PAPLN: variants seen among roughly 807,000 people sequenced by gnomAD.
PAPLN encodes the protein papilin, proteoglycan like sulfated glycoprotein.
PAPLN carries 146 observed loss-of-function variants against 159.0 expected under a neutral mutation model. The observed-to-expected ratio is 0.92, with a 90% CI of 0.80 to 1.05. The LOEUF (loss-of-function observed/expected upper bound fraction) is 1.05. PAPLN is among the 50% of genes least tolerant of loss of function. The pLI is 0.00. For synonymous variants in PAPLN, 734 were observed against 702.9 expected, an observed-to-expected ratio of 1.04 and a Z score of -0.70; for missense variants, 1,720 against 1,743.9, an observed-to-expected ratio of 0.99 and a Z score of 0.24.
At chr14:73,263,321 G>A in intron 19 of PAPLN, 1 of 469,430 alleles carries the variant, frequency 2.1e-6, no homozygotes, top group Non-Finnish European at 3.8e-6. Context: ...CACATGGGTC[G>A]AGCGTGTAGT....
chr14:73,261,176 C>T lies in PAPLN; in HGVS notation c.2127C>T (p.Pro709=). 1 of 1,614,144 alleles carries T rather than the reference C, an allele frequency of 6.2e-7. No individual in the cohort carries two copies. The highest frequency in any genetic ancestry group is 8.5e-7 in the Non-Finnish European group (1 of 1,180,042). Residue 709 remains proline, a synonymous_variant, in exon 18 of 27, where the codon CCC becomes CCT. Transcript: ENST00000644200. ...VASTVHNTHQ[P]QAQQNEPSEC... is the part of the protein sequence containing the mutation. Reference sequence around the variant, plus strand: ...CCCAGGTCCACAACACCCACCAGCCCCAGGCCCAGCAGAATGAGCCCAGTG... The same window carrying T: ...CCCAGGTCCACAACACCCACCAGCCTCAGGCCCAGCAGAATGAGCCCAGTG...
rs760717491 is a variant in PAPLN at position 73,239,782 on chromosome 14, C to CGGCT, written c.6_9dup (p.Leu4AlafsTer25). 7 of 1,592,440 alleles carry CGGCT rather than the reference C, an allele frequency of 4.4e-6. No homozygotes were observed. Among genetic ancestry groups the CGGCT allele is most frequent in the Non-Finnish European group, 6.0e-6 (7 of 1,175,728 alleles). ...AATGCGTCTCCCGCAGGCTGAGATG[C>CGGCT]GGCTGCTCCTGCTCGTGCCGCTGCT... On this transcript the variant is annotated frameshift_variant, in exon 2 of 27. Transcript: ENST00000644200. LOFTEE classifies it high-confidence loss of function.
chr14:73,250,237 AG>A (rs1885087799), intron 6 of PAPLN, 123 bp downstream of exon 6: 1 of 1,308,432 alleles, frequency 7.6e-7, no homozygotes, highest in Non-Finnish European at 1.0e-6. Context: ...TCAAGTTACC[AG>A]GACACCAAGC....
intron 26 of PAPLN, among the ~76,000 whole-genome samples, chr14:73,270,473 A>G (rs1488489084): frequency 6.6e-6 from 1 of 152,306 alleles, no homozygotes. Flanking sequence ...AAGCCGCGAC[A>G]CTCAGATACA....
intron 25 of PAPLN, 82 bp from the exon 26 acceptor site, chr14:73,268,475 A>G: frequency 7.0e-7 from 1 of 1,422,970 alleles, no homozygotes; most frequent in Non-Finnish European, 9.6e-7. Flanking sequence ...TGGCTCTGGA[A>G]TGGCCTTTGA....
chr14:73,237,956 C>T (rs1202620376), intron 1 of PAPLN, among the ~76,000 whole-genome samples: 1 of 152,128 alleles, frequency 6.6e-6, no homozygotes, highest in Non-Finnish European at 1.5e-5. Context: ...GCCACTGGGC[C>T]GCGGGCCTGG....
chr14:73,256,488 CG>C (rs1387375397), intron 14 of PAPLN, among the ~76,000 whole-genome samples: 2 of 146,190 alleles, frequency 1.4e-5, no homozygotes, highest in African/African-American at 5.1e-5. Context: ...GCCGAGATCA[CG>C]CCATTGAACT....
chr14:73,236,682 T>C (rs1594766580), upstream of PAPLN, among the ~76,000 whole-genome samples: 1 of 151,682 alleles, frequency 6.6e-6, no homozygotes, highest in Non-Finnish European at 1.5e-5. Context: ...CCAGGCATCA[T>C]ACAGACGCCT....
chr14:73,262,234 A>G lies in PAPLN; in HGVS notation c.2246-116A>G, dbSNP rs1019820461. The G allele has an allele frequency of 6.7e-6, 7 of 1,045,230 alleles. No homozygotes were observed. The African/African-American group carries it at 7.9e-5, about 12-fold the overall frequency. 64.7% of individuals were successfully genotyped at this position (1,045,230 alleles called of 1,614,324 possible). A position where few individuals can be genotyped will look rare whatever the true frequency, so the allele number is the denominator to read the frequency against. ...AGGTCAGGCCCCCAGACAGGGGTGT[A>G]GACATGCTTTATAAGTGGGGAAGGG... On this transcript the variant is annotated intron_variant, in intron 18 of 26. Coordinates refer to ENST00000644200, the MANE Select transcript of PAPLN (RefSeq NM_001365906.3).
chr14:73,266,826 G>T lies in PAPLN; in HGVS notation c.3495G>T (p.Trp1165Cys). ...CAGGAGAAAGTGTGAACATCAGGTG[G>T]TCCAGGTAAAGGCTCTATTCCAAGT... ...VVAGESVNIR[W>C]SRNGLPVQAD... Residue 1165 changes from tryptophan (W) to cysteine (C), a missense_variant, in exon 25 of 27, where the codon TGG (tryptophan) becomes TGT (cysteine). Physicochemically the swap from Trp to Cys is radical, Grantham distance 215 (BLOSUM62 -2). Coordinates refer to ENST00000644200, the MANE Select transcript of PAPLN (RefSeq NM_001365906.3). The T allele has an allele frequency of 6.2e-7, 1 of 1,610,362 alleles. No homozygotes were observed. Among genetic ancestry groups the T allele is most frequent in the Non-Finnish European group, 8.5e-7 (1 of 1,178,162 alleles).
intron 5 of PAPLN, among the ~76,000 whole-genome samples, chr14:73,248,855 G>GTTT (rs1190909939): frequency 1.3e-5 from 2 of 152,054 alleles, no homozygotes. Flanking sequence ...ACCAGGCCAG[G>GTTT]TACAGTGGCT....
Position 73,251,770 on chromosome 14 carries a change from T to C in PAPLN, c.777T>C (p.Ala259=). The C allele has an allele frequency of 6.2e-7, 1 of 1,611,558 alleles. No individual in the cohort carries two copies. The highest frequency in any genetic ancestry group is 8.5e-7 in the Non-Finnish European group (1 of 1,179,396). ...ASTILHYERG[A]EGDLAPERLH... is the part of the protein sequence containing the mutation. Reference sequence around the variant, plus strand: ...CCATCCTGCATTACGAGCGGGGTGCTGAGGGGGACCTGGCCCCTGAGCGAC... The same window carrying C: ...CCATCCTGCATTACGAGCGGGGTGCCGAGGGGGACCTGGCCCCTGAGCGAC... The change falls in exon 9 of 27, where the codon GCT becomes GCC. Residue 259 remains alanine, a synonymous_variant. Transcript: ENST00000644200.
intron 14 of PAPLN, among the ~76,000 whole-genome samples, chr14:73,255,247 G>A (rs1326877322): frequency 1.3e-5 from 2 of 152,122 alleles, no homozygotes; most frequent in Non-Finnish European, 2.9e-5. Flanking sequence ...GCATGCCCCT[G>A]CCCCTCTGGC....
In PAPLN at chr14:73,272,771, C is replaced by T; in HGVS notation, c.*107C>T. 1 of 1,262,728 alleles carries T rather than the reference C, an allele frequency of 7.9e-7. No homozygotes were observed. Among genetic ancestry groups the T allele is most frequent in the East Asian group, 2.5e-5 (1 of 39,534 alleles). 78.2% of individuals were successfully genotyped at this position (1,262,728 alleles called of 1,614,324 possible). ...TCTGGCTGGCAAAGGGAGTTATCTT[C>T]TGGAATACATTAGCTCTTTCAAAAA... On this transcript the variant is annotated 3_prime_UTR_variant, in exon 27 of 27. Coordinates refer to ENST00000644200, the MANE Select transcript of PAPLN (RefSeq NM_001365906.3).
chr14:73,252,922 C>A, intron 11 of PAPLN, 147 bp downstream of exon 11: 1 of 1,375,754 alleles, frequency 7.3e-7, no homozygotes, highest in Non-Finnish European at 9.8e-7. Context: ...GGAGAGGTGG[C>A]AGCTCTTCCT....
chr14:73,236,242 C>T (rs773102896), upstream of PAPLN, among the ~76,000 whole-genome samples: 1 of 152,372 alleles, frequency 6.6e-6, no homozygotes. Context: ...TGATCACATG[C>T]GTTGAGCCCC....
rs755642906 is a variant in PAPLN at position 73,251,029 on chromosome 14, A to T, written c.588A>T (p.Arg196=). 4 of 1,610,016 alleles carry T rather than the reference A, an allele frequency of 2.5e-6. No individual in the cohort carries two copies. In the African/African-American group the frequency reaches 5.3e-5, roughly 22 times the overall value. Residue 196 remains arginine, a splice_region_variant and synonymous_variant, in exon 7 of 27, where the codon CGA becomes CGT. Transcript: ENST00000644200. ...AGTFDANDLS[R]GYNQILIVPM... Reference sequence around the variant, plus strand: ...CCTTTGACGCTAATGACCTCAGCCGAGGTGGGGGTGGTTCCGACAAGGGGC... The same window carrying T: ...CCTTTGACGCTAATGACCTCAGCCGTGGTGGGGGTGGTTCCGACAAGGGGC...
chr14:73,250,744 T>C (rs17182237), intron 6 of PAPLN, among the ~76,000 whole-genome samples, 163 bp from the exon 7 acceptor site: 28,536 of 152,152 alleles, frequency 0.19, 2,769 homozygotes, highest in Middle Eastern at 0.23. Context: ...GACAGAGAAG[T>C]GGATTGTCAG....
Position 73,262,600 on chromosome 14 carries a change from T to C in PAPLN, c.2496T>C (p.Pro832=), listed in dbSNP as rs1314275809. The C allele has an allele frequency of 6.4e-7, 1 of 1,556,048 alleles. No individual in the cohort carries two copies. The highest frequency in any genetic ancestry group is 1.2e-5 in the South Asian group (1 of 84,616). The change falls in exon 19 of 27, where the codon CCT becomes CCC. Residue 832 remains proline (P), a synonymous_variant. Coordinates refer to ENST00000644200, the MANE Select transcript of PAPLN (RefSeq NM_001365906.3). ...ACACGGATGGTGGCGGCAGCAGTCC[T>C]GCAGGCGAGCAGGAACCCAGCCAGC... ...STHTDGGGSS[P]AGEQEPSQHR... is the part of the protein sequence containing the mutation.
Sources: gnomAD v4.1 joint callset for allele counts (sites outside exome capture counted in the v4.1 genomes callset) on GRCh38, gnomAD v4.1.1 for gene constraint, MANE v1.5 for transcripts, NCBI Gene and HGNC (gene_info 2026-07-23, HGNC 2026-07-21) for gene names.